PTPRM: variants seen among roughly 807,000 people sequenced by gnomAD.
PTPRM encodes the protein receptor-type tyrosine-protein phosphatase mu.
PTPRM carries 47 observed loss-of-function variants against 186.7 expected under a neutral mutation model. That is an observed-to-expected ratio of 0.25 (90% CI 0.20 to 0.32). The LOEUF is 0.32. Among genes scored for constraint, PTPRM ranks in the 10% least tolerant of loss-of-function variants. The pLI is 1.00. For missense variants in PTPRM, 1,494 were observed against 1,865.0 expected, an observed-to-expected ratio of 0.80 and a Z score of 3.66; for synonymous variants, 668 against 674.9, an observed-to-expected ratio of 0.99 and a Z score of 0.16.
chr18:7,771,985 A>G (rs539322967), intron 1 of PTPRM, among the ~76,000 whole-genome samples: 8 of 152,348 alleles, frequency 5.3e-5, no homozygotes, highest in Admixed American at 4.6e-4. Flanking sequence ...GGTGTACAAA[A>G]GCCGTATGGG....
intron 1 of PTPRM, among the ~76,000 whole-genome samples, chr18:7,648,351 A>C (rs970066666): frequency 1.3e-5 from 2 of 152,162 alleles, no homozygotes; most frequent in Non-Finnish European, 2.9e-5. Flanking sequence ...GACAATTAAT[A>C]ACCCCACAGT....
At chr18:7,783,428 A>C (rs890039858) in intron 2 of PTPRM, among the ~76,000 whole-genome samples, 2 of 152,200 alleles carry the variant, frequency 1.3e-5, no homozygotes, top group Admixed American at 1.3e-4. Context: ...CCTTAGTCCC[A>C]GAGTCAGAGG....
intron 7 of PTPRM, among the ~76,000 whole-genome samples, chr18:8,000,739 T>C (rs990043983): frequency 6.6e-6 from 1 of 152,324 alleles, no homozygotes; most frequent in Non-Finnish European, 1.5e-5. Flanking sequence ...TTTCACACCA[T>C]ATATCATGAA....
At chr18:7,657,740 A>G (rs1490346416) in intron 1 of PTPRM, among the ~76,000 whole-genome samples, 3 of 152,252 alleles carry the variant, frequency 2.0e-5, no homozygotes, top group Non-Finnish European at 4.4e-5. Flanking sequence ...AAAAAGCAGC[A>G]GTGAAATGAA....
chr18:8,088,570 G>T (rs1411099696), intron 10 of PTPRM, among the ~76,000 whole-genome samples, 179 bp from the exon 11 acceptor site: 4 of 152,174 alleles, frequency 2.6e-5, no homozygotes, highest in African/African-American at 9.7e-5. Context: ...GCTGCTTTTA[G>T]CAGCTGTCCC....
chr18:8,358,878 A>T (rs893222860), intron 23 of PTPRM, among the ~76,000 whole-genome samples: 2 of 152,198 alleles, frequency 1.3e-5, no homozygotes, highest in Non-Finnish European at 2.9e-5. Context: ...TACGAAGGGA[A>T]TTTCTGTGTA....
intron 1 of PTPRM, among the ~76,000 whole-genome samples, chr18:7,708,970 G>C (rs2040154807): frequency 6.6e-6 from 1 of 152,108 alleles, no homozygotes; most frequent in Non-Finnish European, 1.5e-5. Context: ...TTATGGTTCA[G>C]ATGTTTATTA....
chr18:7,801,725 C>T (rs1046795541), intron 2 of PTPRM, among the ~76,000 whole-genome samples: 15 of 152,158 alleles, frequency 9.9e-5, no homozygotes, highest in Non-Finnish European at 1.9e-4. Context: ...ATGAGCACTG[C>T]GTTGCACTAT....
chr18:7,588,234 A>G (rs1246795378), intron 1 of PTPRM, among the ~76,000 whole-genome samples: 1 of 152,164 alleles, frequency 6.6e-6, no homozygotes, highest in Admixed American at 6.6e-5. Context: ...AACAGTAATT[A>G]TATATATACT....
chr18:7,843,250 A>C (rs1329984299), intron 2 of PTPRM, among the ~76,000 whole-genome samples: 1 of 152,068 alleles, frequency 6.6e-6, no homozygotes, highest in African/African-American at 2.4e-5. Flanking sequence ...CAACATCAAG[A>C]GAAAGCTTTT....
chr18:8,244,602 C>T (rs187096516), intron 15 of PTPRM, among the ~76,000 whole-genome samples: 1 of 152,264 alleles, frequency 6.6e-6, no homozygotes, highest in African/African-American at 2.4e-5. Context: ...ATGGCAGTAA[C>T]AAGTTAATTG....
At position 8,328,410 on chromosome 18, in the gene PTPRM, C is replaced by T. The variant is rs139496877; in HGVS notation, c.2956+9196C>T. 5.4e-3 allele frequency among the ~76,000 whole-genome samples: 819 copies of T among 152,328 alleles called. 6 individuals carry two copies. Among genetic ancestry groups the T allele is most frequent in the African/African-American group, 0.019 (786 of 41,576 alleles). On this transcript the variant is annotated intron_variant, in intron 22 of 32. Coordinates refer to ENST00000580170, the MANE Select transcript of PTPRM (RefSeq NM_001105244.2). ...TTTTTTAAATCAAAAGCTCAGCCTT[C>T]AGTAAACAACTTTTGTTTTTATTCT...
At chr18:7,731,019 A>G (rs934639736) in intron 1 of PTPRM, among the ~76,000 whole-genome samples, 3 of 152,232 alleles carry the variant, frequency 2.0e-5, no homozygotes, top group African/African-American at 7.2e-5. Flanking sequence ...CTCATCTATC[A>G]TAATTTAACC....
intron 1 of PTPRM, among the ~76,000 whole-genome samples, chr18:7,600,270 C>A (rs1031788146): frequency 1.3e-5 from 2 of 152,224 alleles, no homozygotes; most frequent in East Asian, 1.9e-4. Flanking sequence ...GGGCTGAGAA[C>A]AGTGACTGTC....
intron 14 of PTPRM, among the ~76,000 whole-genome samples, chr18:8,175,862 T>C (rs1291630813): frequency 6.6e-6 from 1 of 152,236 alleles, no homozygotes; most frequent in East Asian, 1.9e-4. Flanking sequence ...TTAGGTTTTC[T>C]TGCTGAAAAT....
chr18:8,157,511 G>A (rs1351633571), intron 14 of PTPRM, among the ~76,000 whole-genome samples: 1 of 152,180 alleles, frequency 6.6e-6, no homozygotes, highest in Non-Finnish European at 1.5e-5. Context: ...TATGAAGCTA[G>A]CTAGGAACAC....
intron 19 of PTPRM, among the ~76,000 whole-genome samples, chr18:8,281,884 G>A (rs1048268664): frequency 9.9e-5 from 15 of 152,060 alleles, no homozygotes; most frequent in Admixed American, 9.2e-4. Context: ...CAGGACCCAA[G>A]GCTTGGTGGA....
intron 1 of PTPRM, among the ~76,000 whole-genome samples, chr18:7,610,672 C>G (rs62089800): frequency 7.8e-4 from 119 of 152,194 alleles, no homozygotes; most frequent in Admixed American, 4.4e-3. Flanking sequence ...TGTAGCACAA[C>G]GCATTATTTG....
chr18:8,253,560 A>G, intron 19 of PTPRM, 146 bp downstream of exon 19: 1 of 771,260 alleles, frequency 1.3e-6, no homozygotes, highest in Non-Finnish European at 1.8e-6. Context: ...GTCCCTCAGT[A>G]TTCTGGGGGA....
Sources: gnomAD v4.1 joint callset for allele counts (sites outside exome capture counted in the v4.1 genomes callset) on GRCh38, gnomAD v4.1.1 for gene constraint, MANE v1.5 for transcripts, NCBI Gene and HGNC (gene_info 2026-07-23, HGNC 2026-07-21) for gene names.